FRMD3: variants seen among roughly 807,000 people sequenced by gnomAD.
FRMD3 encodes the protein FERM domain-containing protein 3.
In FRMD3, 33 loss-of-function variants were observed where a neutral mutation model predicts 70.2. That is an observed-to-expected ratio of 0.47 (90% confidence interval 0.36 to 0.63). The LOEUF is 0.63. Among genes scored for constraint, FRMD3 ranks in the 20% least tolerant of loss-of-function variants. FRMD3 has a pLI of 0.00. For synonymous variants in FRMD3, 279 were observed against 255.9 expected (o/e 1.09, Z -0.86); for missense variants, 632 against 711.4 (o/e 0.89, Z 1.27).
At chr9:83,330,239 C>T (rs1224034143) in intron 6 of FRMD3, among the ~76,000 whole-genome samples, 1 of 151,774 alleles carries the variant, frequency 6.6e-6, no homozygotes, top group African/African-American at 2.4e-5. Context: ...TGGCGCATGC[C>T]TGTAGTCCCA....
At chr9:83,396,488 C>T (rs1825815049) in intron 1 of FRMD3, among the ~76,000 whole-genome samples, 1 of 152,190 alleles carries the variant, frequency 6.6e-6, no homozygotes, top group African/African-American at 2.4e-5. Context: ...AACTATGACC[C>T]AATCGCATCT....
chr9:83,580,113 T>A, the FRMD3 span, among the ~76,000 whole-genome samples: 1 of 151,998 alleles, frequency 6.6e-6, no homozygotes, highest in African/African-American at 2.4e-5. Flanking sequence ...ATGGCTTTTA[T>A]CAAAAAGAGA....
At chr9:83,449,879 T>C (rs2131412053) in intron 1 of FRMD3, among the ~76,000 whole-genome samples, 1 of 152,312 alleles carries the variant, frequency 6.6e-6, no homozygotes, top group South Asian at 2.1e-4. Context: ...CACTGTACCC[T>C]GTAATGTATG....
chr9:83,527,014 T>C (rs1342187129), intron 1 of FRMD3, among the ~76,000 whole-genome samples: 1 of 152,050 alleles, frequency 6.6e-6, no homozygotes, highest in Non-Finnish European at 1.5e-5. Flanking sequence ...CCCTCCAGGG[T>C]CATTGTCCCT....
chr9:83,351,056 G>C (rs1824138457), intron 3 of FRMD3: 2 of 864,228 alleles, frequency 2.3e-6, no homozygotes, highest in Non-Finnish European at 2.8e-6. Context: ...ACATCCAAAT[G>C]TGAATATGAA....
intron 1 of FRMD3, among the ~76,000 whole-genome samples, chr9:83,518,493 CACAA>C (rs1829500860): frequency 6.6e-6 from 1 of 152,016 alleles, no homozygotes; most frequent in Non-Finnish European, 1.5e-5. Context: ...TAAGAGAGGA[CACAA>C]ACAAATGGAA....
At chr9:83,354,035 C>T in intron 3 of FRMD3, among the ~76,000 whole-genome samples, 1 of 152,132 alleles carries the variant, frequency 6.6e-6, no homozygotes, top group East Asian at 1.9e-4. Flanking sequence ...AGCAATTCTC[C>T]TGGCTCAGCC....
intron 3 of FRMD3, among the ~76,000 whole-genome samples, chr9:83,364,432 T>G (rs1261662636): frequency 6.6e-6 from 1 of 152,034 alleles, no homozygotes; most frequent in South Asian, 2.1e-4. Flanking sequence ...TACACGCGCC[T>G]GTAGTCCCAG....
intron 1 of FRMD3, among the ~76,000 whole-genome samples, chr9:83,395,275 T>A (rs1366898754): frequency 7.0e-6 from 1 of 142,370 alleles, no homozygotes; most frequent in African/African-American, 2.6e-5. Context: ...TCTATAGATT[T>A]AAAAAAAAAA....
intron 12 of FRMD3, among the ~76,000 whole-genome samples, chr9:83,292,995 T>C (rs1372956903): frequency 2.6e-5 from 4 of 152,160 alleles, no homozygotes. Flanking sequence ...GTGCCTCTCA[T>C]GAAGGTGACT....
At chr9:83,408,145 C>T (rs959343197) in intron 1 of FRMD3, among the ~76,000 whole-genome samples, 1 of 152,034 alleles carries the variant, frequency 6.6e-6, no homozygotes, top group East Asian at 1.9e-4. Context: ...AACCTGGATT[C>T]AAGGGAAAGG....
intron 1 of FRMD3, among the ~76,000 whole-genome samples, chr9:83,501,713 T>G (rs1471289833): frequency 1.3e-5 from 2 of 152,176 alleles, no homozygotes; most frequent in Non-Finnish European, 2.9e-5. Flanking sequence ...ATGATTGGTA[T>G]GTAACAAGCG....
chr9:83,582,424 G>C, the FRMD3 span, among the ~76,000 whole-genome samples: 1 of 152,148 alleles, frequency 6.6e-6, no homozygotes, highest in Admixed American at 6.5e-5. Context: ...TCTTAAACTT[G>C]ATTTATTAGG....
chr9:83,248,377 T>C lies in FRMD3; in HGVS notation c.1335A>G (p.Leu445=). The change falls in exon 14 of 14, where the codon CTA becomes CTG. Residue 445 remains leucine (L), a synonymous_variant. Coordinates refer to ENST00000304195, the MANE Select transcript of FRMD3 (RefSeq NM_174938.6). ...GCAGGCTGGCACTTGGGTTGTACACTAGTTCAGAGATGGTTAAAGGTTCTT... is the reference window on the plus strand; with the variant it reads ...GCAGGCTGGCACTTGGGTTGTACACCAGTTCAGAGATGGTTAAAGGTTCTT... ...IKEEPLTISE[L]VYNPSASLLP... 1.9e-6 allele frequency: 3 copies of C among 1,614,158 alleles called. No individual in the cohort carries two copies. The highest frequency in any genetic ancestry group is 2.5e-6 in the Non-Finnish European group (3 of 1,179,988).
intron 2 of FRMD3, among the ~76,000 whole-genome samples, chr9:83,378,544 CATATAAAATTTATATATATAA>C (rs1825231986): frequency 1.9e-5 from 2 of 107,950 alleles, no homozygotes; most frequent in Admixed American, 1.1e-4. Flanking sequence ...ATATAATATA[CATATAAAATTTATATATATAA>C]AATATACATA....
At chr9:83,561,794 T>C in the FRMD3 span, among the ~76,000 whole-genome samples, 2 of 152,246 alleles carry the variant, frequency 1.3e-5, no homozygotes, top group South Asian at 4.2e-4. Flanking sequence ...GAGAAGAGCA[T>C]GTATATTTGC....
chr9:83,575,128 G>A, the FRMD3 span, among the ~76,000 whole-genome samples: 5 of 152,084 alleles, frequency 3.3e-5, no homozygotes, highest in Non-Finnish European at 7.4e-5. Flanking sequence ...CACAATGCCT[G>A]CTCCCTAGGA....
intron 1 of FRMD3, among the ~76,000 whole-genome samples, chr9:83,464,713 T>A (rs1174771182): frequency 6.6e-6 from 1 of 152,086 alleles, no homozygotes; most frequent in Non-Finnish European, 1.5e-5. Context: ...ACATTTAAAC[T>A]GGTCAAAGAT....
At chr9:83,517,486 T>C (rs565147720) in intron 1 of FRMD3, among the ~76,000 whole-genome samples, 1 of 78,876 alleles carries the variant, frequency 1.3e-5, no homozygotes, top group African/African-American at 5.5e-5. Flanking sequence ...ACTAATAGCC[T>C]ACCAATCCAA....
Sources: gnomAD v4.1 joint callset for allele counts (sites outside exome capture counted in the v4.1 genomes callset) on GRCh38, gnomAD v4.1.1 for gene constraint, MANE v1.5 for transcripts, NCBI Gene and HGNC (gene_info 2026-07-23, HGNC 2026-07-21) for gene names.